BMPR1B: variants seen among roughly 807,000 people sequenced by gnomAD.
The protein encoded by BMPR1B is bone morphogenetic protein receptor type 1B.
Under a neutral mutation model 59.1 loss-of-function variants are expected in BMPR1B, and 12 were observed. The observed-to-expected ratio is 0.20, with a 90% CI of 0.13 to 0.33. The LOEUF (loss-of-function observed/expected upper bound fraction) is 0.33. Among genes scored for constraint, BMPR1B ranks in the 10% least tolerant of loss-of-function variants. BMPR1B has a pLI of 1.00. For missense variants in BMPR1B, 550 were observed against 610.9 expected (o/e 0.90, Z 1.05); for synonymous variants, 237 against 207.3 (o/e 1.14, Z -1.23).
intron 3 of BMPR1B, among the ~76,000 whole-genome samples, chr4:95,030,663 T>A (rs1724769279): frequency 6.6e-6 from 1 of 152,122 alleles, no homozygotes; most frequent in Non-Finnish European, 1.5e-5. Flanking sequence ...ATAAGAAACT[T>A]CAGCAAAGTC....
At chr4:95,137,554 G>T (rs1733892517) in intron 10 of BMPR1B, among the ~76,000 whole-genome samples, 1 of 152,126 alleles carries the variant, frequency 6.6e-6, no homozygotes, top group Non-Finnish European at 1.5e-5. Flanking sequence ...AAGTCTCTTT[G>T]TAGGTCTCTA....
chr4:95,079,856 G>A (rs1314776579), intron 3 of BMPR1B, among the ~76,000 whole-genome samples: 2 of 151,848 alleles, frequency 1.3e-5, no homozygotes, highest in South Asian at 2.1e-4. Flanking sequence ...AGACTGATTC[G>A]TTCCACATTT....
intron 3 of BMPR1B, among the ~76,000 whole-genome samples, chr4:95,012,793 A>T (rs370718053): frequency 3.3e-4 from 51 of 152,254 alleles, no homozygotes; most frequent in African/African-American, 1.1e-3. Context: ...TTTATAACAC[A>T]AGCAGAATTA....
At chr4:94,796,095 G>T (rs1357858374) in intron 1 of BMPR1B, among the ~76,000 whole-genome samples, 1 of 151,908 alleles carries the variant, frequency 6.6e-6, no homozygotes, top group Non-Finnish European at 1.5e-5. Flanking sequence ...CTCCTGAGTA[G>T]CTGGGATTAC....
At chr4:94,834,103 G>A (rs138442779) in intron 1 of BMPR1B, among the ~76,000 whole-genome samples, 26 of 152,312 alleles carry the variant, frequency 1.7e-4, no homozygotes, top group Admixed American at 8.5e-4. Context: ...AACATTGCCA[G>A]TCATTTCCCA....
intron 1 of BMPR1B, among the ~76,000 whole-genome samples, chr4:94,772,783 A>G (rs1292341940): frequency 6.6e-6 from 1 of 152,196 alleles, no homozygotes; most frequent in East Asian, 1.9e-4. Flanking sequence ...ATGTTACTGG[A>G]TTTAACGATG....
intron 1 of BMPR1B, among the ~76,000 whole-genome samples, chr4:94,802,716 A>G (rs867378777): frequency 6.6e-6 from 1 of 152,158 alleles, no homozygotes; most frequent in South Asian, 2.1e-4. Context: ...TTTTGTGTAT[A>G]ATTGATCTGG....
chr4:94,870,385 A>G (rs1429775565), intron 1 of BMPR1B, among the ~76,000 whole-genome samples: 1 of 151,960 alleles, frequency 6.6e-6, no homozygotes, highest in African/African-American at 2.4e-5. Flanking sequence ...TCCTGCCAAG[A>G]GAGAGAGAGA....
At chr4:94,937,719 G>GACACACACACACACACACACAGAC (rs70946570) in intron 2 of BMPR1B, among the ~76,000 whole-genome samples, 4,561 of 147,664 alleles carry the variant, frequency 0.031, 234 homozygotes, top group African/African-American at 0.1. Context: ...CACACACACA[G>GACACACACACACACACACACAGAC]ACACACACAC....
chr4:95,059,097 G>A (rs1285424464), intron 3 of BMPR1B, among the ~76,000 whole-genome samples: 1 of 152,126 alleles, frequency 6.6e-6, no homozygotes, highest in Non-Finnish European at 1.5e-5. Context: ...AGCTCTTTGG[G>A]GGAATAGTTG....
At chr4:95,110,782 C>T (rs2149272936) in intron 4 of BMPR1B, among the ~76,000 whole-genome samples, 1 of 152,310 alleles carries the variant, frequency 6.6e-6, no homozygotes, top group East Asian at 1.9e-4. Context: ...CCCTTGCATA[C>T]TCAGCACCCA....
chr4:95,041,581 A>G (rs79014711), intron 3 of BMPR1B, among the ~76,000 whole-genome samples: 5,028 of 148,788 alleles, frequency 0.034, 124 homozygotes, highest in Middle Eastern at 0.07. Flanking sequence ...AGCCTCCCAG[A>G]TTCTTGGAGT....
chr4:94,947,325 A>C (rs765438389), intron 2 of BMPR1B, among the ~76,000 whole-genome samples: 1 of 152,208 alleles, frequency 6.6e-6, no homozygotes, highest in Non-Finnish European at 1.5e-5. Flanking sequence ...TTGGCTTAAC[A>C]CCCTTTACAT....
At chr4:95,030,590 G>T (rs551509592) in intron 3 of BMPR1B, among the ~76,000 whole-genome samples, 215 of 152,074 alleles carry the variant, frequency 1.4e-3, no homozygotes, top group African/African-American at 4.8e-3. Context: ...GTTCCTGTTT[G>T]CAGATGACAT....
intron 3 of BMPR1B, among the ~76,000 whole-genome samples, chr4:95,006,284 C>A (rs967496430): frequency 1.1e-4 from 17 of 151,072 alleles, no homozygotes; most frequent in Non-Finnish European, 2.9e-5. Context: ...ATGGCTCACA[C>A]CTGTAATCCT....
intron 3 of BMPR1B, among the ~76,000 whole-genome samples, chr4:95,084,905 C>A (rs966742023): frequency 1.3e-5 from 2 of 152,136 alleles, no homozygotes; most frequent in Non-Finnish European, 2.9e-5. Context: ...GAGACAGTAG[C>A]ATAGCTAGAG....
chr4:94,823,381 G>A (rs1395527299), intron 1 of BMPR1B, among the ~76,000 whole-genome samples: 2 of 152,158 alleles, frequency 1.3e-5, no homozygotes, highest in Non-Finnish European at 2.9e-5. Flanking sequence ...CTCCTGGTGG[G>A]CTGCCACATT....
chr4:94,796,878 G>T (rs1042734193), intron 1 of BMPR1B, among the ~76,000 whole-genome samples: 1 of 152,126 alleles, frequency 6.6e-6, no homozygotes, highest in African/African-American at 2.4e-5. Context: ...ATTATAGTCA[G>T]GTATAATAGA....
chr4:95,054,611 C>T (rs1195947275), intron 3 of BMPR1B, among the ~76,000 whole-genome samples: 1 of 152,046 alleles, frequency 6.6e-6, no homozygotes. Context: ...CTTTATTCTC[C>T]AAACATAGTA....
Sources: gnomAD v4.1 joint callset for allele counts (sites outside exome capture counted in the v4.1 genomes callset) on GRCh38, gnomAD v4.1.1 for gene constraint, MANE v1.5 for transcripts, NCBI Gene and HGNC (gene_info 2026-07-23, HGNC 2026-07-21) for gene names.